The following TCF4 variants were observed in gnomAD, a reference collection of about 807,000 sequenced individuals.
TCF4 encodes the protein transcription factor 4.
Under a neutral mutation model 82.1 loss-of-function variants are expected in TCF4, and 3 were observed. That is an observed-to-expected ratio of 0.04 (90% CI 0.02 to 0.09). The LOEUF is 0.09. TCF4 is among the 10% of genes least tolerant of loss of function. The probability of loss-of-function intolerance (pLI) is 1.00; values close to 1 mark genes in which losing one functional copy is unlikely to be tolerated. For missense variants in TCF4, 518 were observed against 852.7 expected (o/e 0.61, Z 4.89); for synonymous variants, 276 against 309.6 (o/e 0.89, Z 1.14).
intron 8 of TCF4, among the ~76,000 whole-genome samples, chr18:55,303,238 C>CACACACACACACACACACACACCCCT (rs1568860958): frequency 1.6e-4 from 23 of 145,308 alleles, no homozygotes; most frequent in African/African-American, 4.3e-4. Flanking sequence ...CACACACACA[C>CACACACACACACACACACACACCCCT]ACACACACAC....
At chr18:55,478,107 G>A (rs1474445789) in intron 3 of TCF4, among the ~76,000 whole-genome samples, 2 of 152,230 alleles carry the variant, frequency 1.3e-5, no homozygotes, top group Non-Finnish European at 2.9e-5. Flanking sequence ...AAGAAGCAGG[G>A]AAGGGGTTCC....
At chr18:55,480,861 C>T (rs182735775) in intron 3 of TCF4, among the ~76,000 whole-genome samples, 6 of 151,968 alleles carry the variant, frequency 3.9e-5, no homozygotes, top group African/African-American at 7.2e-5. Flanking sequence ...CCCAACACTT[C>T]GGGAGGCTGA....
intron 6 of TCF4, among the ~76,000 whole-genome samples, chr18:55,372,512 AT>A (rs770628750): frequency 1.2e-4 from 19 of 152,134 alleles, no homozygotes; most frequent in Non-Finnish European, 2.1e-4. Context: ...TAAAACTCAA[AT>A]TTTATATGTA....
intron 3 of TCF4, among the ~76,000 whole-genome samples, chr18:55,544,352 G>T (rs2097187954): frequency 6.6e-6 from 1 of 152,152 alleles, no homozygotes; most frequent in East Asian, 1.9e-4. Context: ...ATACTAGGGG[G>T]CTGAGTATCA....
At chr18:55,257,481 T>C in intron 13 of TCF4, 90 bp from the exon 14 acceptor site, 1 of 1,224,512 alleles carries the variant, frequency 8.2e-7, no homozygotes, top group Non-Finnish European at 1.2e-6. Context: ...GAAATGGCAA[T>C]GGCAATGATG....
intron 6 of TCF4, among the ~76,000 whole-genome samples, chr18:55,355,734 G>C (rs2083357027): frequency 6.6e-6 from 1 of 152,116 alleles, no homozygotes; most frequent in Admixed American, 6.5e-5. Flanking sequence ...AACTTACAAA[G>C]ACCAAGATAT....
chr18:55,403,558 TC>T, intron 5 of TCF4, 40 bp from the exon 6 acceptor site: 1 of 1,613,722 alleles, frequency 6.2e-7, no homozygotes, highest in African/African-American at 1.3e-5. Context: ...ATTGTGTTTT[TC>T]CTTAAAAAAA....
intron 8 of TCF4, among the ~76,000 whole-genome samples, chr18:55,311,629 C>A (rs2072488772): frequency 6.6e-6 from 1 of 152,190 alleles, no homozygotes; most frequent in African/African-American, 2.4e-5. Flanking sequence ...CACCCATGAT[C>A]ACTTAGTATG....
chr18:55,341,454 T>C, intron 8 of TCF4, among the ~76,000 whole-genome samples: 1 of 152,206 alleles, frequency 6.6e-6, no homozygotes, highest in East Asian at 1.9e-4. Context: ...AGGTTTGTTA[T>C]CAGTATATTG....
At chr18:55,524,798 C>T (rs2096964258) in intron 3 of TCF4, among the ~76,000 whole-genome samples, 1 of 152,130 alleles carries the variant, frequency 6.6e-6, no homozygotes. Context: ...CTGAGTATCC[C>T]ATTCAAGGCC....
intron 5 of TCF4, among the ~76,000 whole-genome samples, chr18:55,412,196 C>T (rs996252735): frequency 6.6e-6 from 1 of 152,160 alleles, no homozygotes; most frequent in African/African-American, 2.4e-5. Flanking sequence ...TAGATTACTA[C>T]TAGCACTCAC....
intron 3 of TCF4, among the ~76,000 whole-genome samples, chr18:55,481,103 CAAAAAAAA>C (rs74180501): frequency 1.4e-4 from 11 of 80,566 alleles, no homozygotes; most frequent in Admixed American, 3.0e-4. Context: ...GACTCCATCT[CAAAAAAAA>C]AAAAAAAAAA....
intron 3 of TCF4, among the ~76,000 whole-genome samples, chr18:55,541,120 A>G (rs1267203878): frequency 6.6e-6 from 1 of 152,004 alleles, no homozygotes; most frequent in Non-Finnish European, 1.5e-5. Flanking sequence ...CTTGCCTTCT[A>G]TGCCCATAAA....
intron 6 of TCF4, among the ~76,000 whole-genome samples, chr18:55,392,803 C>T (rs572004871): frequency 1.1e-4 from 16 of 152,080 alleles, no homozygotes; most frequent in Admixed American, 6.6e-4. Context: ...CAGATATATA[C>T]GATATATACA....
Position 55,537,135 on chromosome 18 carries a change from GA to G in TCF4, c.145+48144del, listed in dbSNP as rs80209921. On this transcript the variant is annotated intron_variant, in intron 3 of 19. Transcript: ENST00000354452. Reference sequence around the variant, plus strand: ...GGCAACAGAGCGAGACTCCGTCTCGGAAAAAAAAAAAAAAAAAAAGTACTTG... The same window carrying G: ...GGCAACAGAGCGAGACTCCGTCTCGGAAAAAAAAAAAAAAAAAAGTACTTG... Among the ~76,000 whole-genome samples the G allele has an allele frequency of 3.7e-3, 318 of 85,578 alleles. 1 individual carries two copies. The highest frequency in any genetic ancestry group is 9.6e-3 in the Middle Eastern group (1 of 104). 56.1% of individuals were successfully genotyped at this position (85,578 alleles called of 152,430 possible). A position where few individuals can be genotyped will look rare whatever the true frequency, so the allele number is the denominator to read the frequency against.
At chr18:55,404,554 G>C (rs2093992176) in intron 5 of TCF4, 1 of 152,076 alleles carries the variant, frequency 6.6e-6, no homozygotes, top group South Asian at 2.1e-4. Flanking sequence ...TTTTCCAACA[G>C]GAAAACTCTA....
At chr18:55,503,378 C>G (rs1436549738) in intron 3 of TCF4, among the ~76,000 whole-genome samples, 1 of 152,178 alleles carries the variant, frequency 6.6e-6, no homozygotes, top group Non-Finnish European at 1.5e-5. Flanking sequence ...TCATCATCAT[C>G]ATCACTAGCC....
intron 5 of TCF4, among the ~76,000 whole-genome samples, chr18:55,432,068 A>G (rs935040097): frequency 5.9e-5 from 9 of 152,184 alleles, no homozygotes; most frequent in Admixed American, 4.6e-4. Flanking sequence ...TTGGGAGGCC[A>G]AGGTGGATGG....
intron 3 of TCF4, among the ~76,000 whole-genome samples, chr18:55,559,916 G>A (rs1375168566): frequency 6.6e-6 from 1 of 152,094 alleles, no homozygotes; most frequent in African/African-American, 2.4e-5. Context: ...CAGCGCAGGG[G>A]GTGGGGAGTA....
Sources: gnomAD v4.1 joint callset for allele counts (sites outside exome capture counted in the v4.1 genomes callset) on GRCh38, gnomAD v4.1.1 for gene constraint, MANE v1.5 for transcripts, NCBI Gene and HGNC (gene_info 2026-07-23, HGNC 2026-07-21) for gene names.